The following PPP2R2B variants were observed in gnomAD, a reference collection of about 807,000 sequenced individuals.
The protein encoded by PPP2R2B is protein phosphatase 2 regulatory subunit Bbeta.
A neutral mutation model predicts 46.0 loss-of-function variants in PPP2R2B; 5 were observed. The observed-to-expected ratio is 0.11, with a 90% CI of 0.06 to 0.23. The LOEUF is 0.23. Ranked by LOEUF, PPP2R2B falls within the 10% of genes least tolerant of loss-of-function variation. The probability of loss-of-function intolerance (pLI) is 1.00; values close to 1 mark genes in which losing one functional copy is unlikely to be tolerated. For synonymous variants in PPP2R2B, 215 were observed against 206.7 expected, an observed-to-expected ratio of 1.04 and a Z score of -0.34; for missense variants, 367 against 575.0, an observed-to-expected ratio of 0.64 and a Z score of 3.70.
rs1770024211 is a variant in PPP2R2B, at chr5:146,584,159, C to T, written c.*5788G>A. On this transcript the variant is annotated 3_prime_UTR_variant, in exon 10 of 10. Transcript: ENST00000394411. ...ATCTGTCTTGGCAGTGGCTAAGCCC[C>T]TTCTTCTGGCCTGACAGTGATCATT... 6.6e-6 allele frequency: 1 copy of T among 152,280 alleles called. No homozygotes were observed. Among genetic ancestry groups the T allele is most frequent in the Non-Finnish European group, 1.5e-5 (1 of 68,084 alleles). The allele number at this position is 152,280 out of a possible 1,614,324, so 9.4% of individuals were successfully genotyped here.
intron 1 of PPP2R2B, among the ~76,000 whole-genome samples, chr5:146,979,628 G>A (rs933202835): frequency 8.6e-5 from 13 of 150,532 alleles, no homozygotes; most frequent in African/African-American, 2.2e-4. Context: ...CAGGGGATAC[G>A]TTCCAAGACC....
At chr5:146,724,986 TAC>T (rs920241001) in intron 2 of PPP2R2B, among the ~76,000 whole-genome samples, 2 of 152,166 alleles carry the variant, frequency 1.3e-5, no homozygotes, top group African/African-American at 4.8e-5. Flanking sequence ...AGTGTGTTTT[TAC>T]ACACTCATTT....
At position 146,650,673 on chromosome 5, in the gene PPP2R2B, C is replaced by A; in HGVS notation, c.499G>T (p.Val167Leu). 6.2e-7 allele frequency: 1 copy of A among 1,614,046 alleles called. No individual in the cohort carries two copies. Among genetic ancestry groups the A allele is most frequent in the Non-Finnish European group, 8.5e-7 (1 of 1,179,964 alleles). ...DLMVEATPRR[V>L]FANAHTYHIN... is the part of the protein sequence containing the mutation. ...TGATATGTGTGTGCGTTGGCAAATA[C>A]TCTTCGTGGGGTGGCCTCCACCATC... The change falls in exon 6 of 10, where the codon GTA (valine) becomes TTA (leucine). Residue 167 changes from valine (V) to leucine (L), a missense_variant. Physicochemically the swap from Val to Leu is conservative, Grantham distance 32. This residue lies in a region of PPP2R2B where 361 missense variants were observed against 545.5 expected (regional missense o/e 0.66). Coordinates refer to ENST00000394411, the MANE Select transcript of PPP2R2B (RefSeq NM_181675.4).
At chr5:146,631,668 G>A (rs1401839114) in intron 7 of PPP2R2B, among the ~76,000 whole-genome samples, 1 of 152,174 alleles carries the variant, frequency 6.6e-6, no homozygotes, top group Non-Finnish European at 1.5e-5. Flanking sequence ...ATCAATTAAA[G>A]TCTGCTTTGT....
chr5:146,673,325 G>A (rs458725), intron 5 of PPP2R2B, among the ~76,000 whole-genome samples: 116,456 of 152,108 alleles, frequency 0.77, 46,003 homozygotes, highest in Non-Finnish European at 0.86. Flanking sequence ...AATGTCTAAT[G>A]TTGTATCTTA....
At chr5:146,825,076 T>C (rs1379852788) in intron 2 of PPP2R2B, among the ~76,000 whole-genome samples, 1 of 152,202 alleles carries the variant, frequency 6.6e-6, no homozygotes, top group Non-Finnish European at 1.5e-5. Context: ...TGAAACCTCC[T>C]GAAAAAGCAT....
chr5:146,857,131 G>C (rs932207270), intron 2 of PPP2R2B, among the ~76,000 whole-genome samples: 1 of 152,144 alleles, frequency 6.6e-6, no homozygotes, highest in African/African-American at 2.4e-5. Flanking sequence ...ATGGTGCAGG[G>C]CTAGGAGCAG....
At chr5:146,733,454 A>G (rs775485507) in intron 2 of PPP2R2B, among the ~76,000 whole-genome samples, 12 of 152,210 alleles carry the variant, frequency 7.9e-5, no homozygotes, top group Non-Finnish European at 1.5e-4. Context: ...TCTAATTATA[A>G]ATATTCTAAA....
chr5:146,603,230 C>T (rs556801676), intron 7 of PPP2R2B, among the ~76,000 whole-genome samples: 6 of 152,288 alleles, frequency 3.9e-5, no homozygotes, highest in African/African-American at 4.8e-5. Context: ...TCTCATTCAA[C>T]AAGACTCTTG....
intron 6 of PPP2R2B, among the ~76,000 whole-genome samples, chr5:146,644,521 T>TA (rs1775450924): frequency 6.6e-6 from 1 of 152,188 alleles, no homozygotes; most frequent in South Asian, 2.1e-4. Flanking sequence ...TTCCCTGGCT[T>TA]AAAATCATCT....
At chr5:146,673,631 A>C (rs950477209) in intron 5 of PPP2R2B, among the ~76,000 whole-genome samples, 3 of 31,966 alleles carry the variant, frequency 9.4e-5, no homozygotes, top group Non-Finnish European at 3.9e-4. Flanking sequence ...AGGAAGATTC[A>C]AAACTAAGAC....
Position 146,687,503 on chromosome 5 carries a change from G to C in PPP2R2B, c.447+3625C>G, listed in dbSNP as rs146185567. Among the ~76,000 whole-genome samples the C allele has an allele frequency of 6.0e-3, 910 of 152,080 alleles. 3 individuals are homozygous for C. Among genetic ancestry groups the C allele is most frequent in the Admixed American group, 0.013 (194 of 15,284 alleles). The stretch of plus-strand genomic sequence containing the variant: ...AATGATCAATAAGTGCTAGATACCC[G>C]CATTTTCACCTGCTAAATACCTGTC... On this transcript the variant is annotated intron_variant, in intron 5 of 9. Coordinates refer to ENST00000394411, the MANE Select transcript of PPP2R2B (RefSeq NM_181675.4).
At chr5:146,995,147 A>T (rs1753868747) in intron 1 of PPP2R2B, among the ~76,000 whole-genome samples, 1 of 152,158 alleles carries the variant, frequency 6.6e-6, no homozygotes, top group Non-Finnish European at 1.5e-5. Context: ...ATTCTTCAAG[A>T]CTTACATTAT....
At chr5:146,981,981 T>G (rs371466868) in intron 1 of PPP2R2B, among the ~76,000 whole-genome samples, 6 of 152,202 alleles carry the variant, frequency 3.9e-5, no homozygotes, top group East Asian at 3.9e-4. Flanking sequence ...ATGATGGAGT[T>G]TCCTTATTTT....
chr5:146,812,592 C>T lies in PPP2R2B; in HGVS notation c.70+65410G>A, dbSNP rs1266775644. ...ATATATATATATATATATATATATA[C>T]ACTGCTATCACTAGAGTTACTTTAT... is the stretch of plus-strand genomic sequence containing the variant. On this transcript the variant is annotated intron_variant, in intron 2 of 9. Transcript: ENST00000394411. 9.2e-4 allele frequency among the ~76,000 whole-genome samples: 12 copies of T among 13,090 alleles called. 1 individual carries two copies. Among genetic ancestry groups the T allele is most frequent in the Non-Finnish European group, 1.2e-3 (8 of 6,798 alleles). The allele number at this position is 13,090 out of a possible 152,430, so 8.6% of individuals were successfully genotyped here.
intron 2 of PPP2R2B, among the ~76,000 whole-genome samples, chr5:146,815,154 T>C (rs1051076220): frequency 6.6e-6 from 1 of 152,198 alleles, no homozygotes; most frequent in African/African-American, 2.4e-5. Context: ...CTGCCTACAC[T>C]AGTCTGCTGG....
In PPP2R2B at chr5:146,589,968, T is replaced by C; in HGVS notation, c.1311A>G (p.Ile437Met). Residue 437 changes from isoleucine (I) to methionine (M), a missense_variant, in exon 10 of 10, where the codon ATA becomes ATG. Ile to Met is a conservative substitution (Grantham distance 10, BLOSUM62 1). Coordinates refer to ENST00000394411, the MANE Select transcript of PPP2R2B (RefSeq NM_181675.4). The part of the protein sequence containing the change: ...IAVAATNNLY[I>M]FQDKVN ...CCACCTAGTTAACCTTGTCCTGGAA[T>C]ATATATAGGTTATTTGTAGCCGCCA... The C allele has an allele frequency of 6.2e-7, 1 of 1,613,940 alleles. No homozygotes were observed. Among genetic ancestry groups the C allele is most frequent in the Non-Finnish European group, 8.5e-7 (1 of 1,179,792 alleles).
chr5:146,660,950 G>A (rs190254100), intron 5 of PPP2R2B, among the ~76,000 whole-genome samples: 4 of 152,310 alleles, frequency 2.6e-5, no homozygotes, highest in Admixed American at 2.0e-4. Flanking sequence ...GTTATAAACT[G>A]TCACTGATGC....
At chr5:146,939,763 A>T (rs560396005) in intron 1 of PPP2R2B, among the ~76,000 whole-genome samples, 3 of 152,044 alleles carry the variant, frequency 2.0e-5, no homozygotes, top group South Asian at 2.1e-4. Context: ...CCTTTTTGAC[A>T]TTTTTTTCAA....
Sources: allele counts gnomAD v4.1 joint callset (sites outside exome capture counted in the v4.1 genomes callset), GRCh38; gene constraint gnomAD v4.1.1; regional missense constraint gnomAD v4.1.1; transcripts MANE v1.5; gene names NCBI Gene and HGNC (gene_info 2026-07-23, HGNC 2026-07-21).